USP42: variants seen among roughly 807,000 people sequenced by gnomAD.
USP42 encodes ubiquitin carboxyl-terminal hydrolase 42.
In USP42, 23 loss-of-function variants were observed where a neutral mutation model predicts 113.0. That is an observed-to-expected ratio of 0.20 (90% CI 0.15 to 0.29). USP42 has a LOEUF of 0.29. Among genes scored for constraint, USP42 ranks in the 10% least tolerant of loss-of-function variants. USP42 has a pLI of 1.00. For synonymous variants in USP42, 933 were observed against 699.0 expected (o/e 1.33, Z -5.28); for missense variants, 2,174 against 1,779.8 (o/e 1.22, Z -3.99).
chr7:6,103,516 CAAAAAA>C (rs200050634), upstream of USP42, among the ~76,000 whole-genome samples: 2 of 135,874 alleles, frequency 1.5e-5, no homozygotes, highest in Non-Finnish European at 3.2e-5. Context: ...AACTCCGTCT[CAAAAAA>C]AAAAAAGAAA....
In USP42 at chr7:6,160,602, A is replaced by C. The variant is rs916098263; in HGVS notation, c.*84A>C. ...CATCCCCAGCCCAGCTTAAATTATA[A>C]AGATAGACAATAACTCTGTTCCAAT... is the stretch of plus-strand genomic sequence containing the variant. On this transcript the variant is annotated 3_prime_UTR_variant, in exon 18 of 18. Transcript: ENST00000306177. The C allele has an allele frequency of 1.3e-5, 2 of 152,640 alleles. No individual in the cohort carries two copies. Among genetic ancestry groups the C allele is most frequent in the Non-Finnish European group, 2.9e-5 (2 of 68,034 alleles). 9.5% of individuals were successfully genotyped at this position (152,640 alleles called of 1,614,324 possible).
At chr7:6,149,450 T>C in intron 12 of USP42, 133 bp from the exon 13 acceptor site, 1 of 1,115,496 alleles carries the variant, frequency 9.0e-7, no homozygotes, top group Non-Finnish European at 1.2e-6. Context: ...AGAGAACATT[T>C]CCAGGTGTAT....
intron 7 of USP42, among the ~76,000 whole-genome samples, chr7:6,141,601 C>T (rs924263623): frequency 6.6e-6 from 1 of 151,900 alleles, no homozygotes; most frequent in Non-Finnish European, 1.5e-5. Flanking sequence ...CTCCATTGCC[C>T]AGGCTGGAGT....
At position 6,139,540 on chromosome 7, in the gene USP42, C is replaced by T. The variant is rs1483843966; in HGVS notation, c.656+346C>T. On this transcript the variant is annotated intron_variant, in intron 5 of 17. Transcript: ENST00000306177. This position sits in a 1 kb window ranked among gnomAD's most constrained non-coding sequence, Gnocchi z 4.5. Reference sequence around the variant, plus strand: ...GCCTGACATTTTCTTTTCTCTGCTGCCCTCCAGCCTGTGTTTATTTCCTGA... The same window carrying T: ...GCCTGACATTTTCTTTTCTCTGCTGTCCTCCAGCCTGTGTTTATTTCCTGA... The T allele has an allele frequency of 1.4e-5, 3 of 210,360 alleles. No individual in the cohort carries two copies. The highest frequency in any genetic ancestry group is 1.9e-5 in the Non-Finnish European group (2 of 106,256). 13.0% of individuals were successfully genotyped at this position (210,360 alleles called of 1,614,324 possible).
At chr7:6,145,427 C>T in intron 9 of USP42, 89 bp from the exon 10 acceptor site, 1 of 1,526,562 alleles carries the variant, frequency 6.6e-7, no homozygotes, top group Middle Eastern at 1.8e-4. Context: ...TGGGTCTCCC[C>T]TCCTAGGAAG....
chr7:6,087,340 CTTTTTTTTTTT>C, the USP42 span, among the ~76,000 whole-genome samples: 3,944 of 116,506 alleles, frequency 0.034, 402 homozygotes, highest in African/African-American at 0.12. Flanking sequence ...CTAAGCGCTT[CTTTTTTTTTTT>C]TTTTTTTTTT....
chr7:6,106,541 C>G (rs550714999), intron 1 of USP42, among the ~76,000 whole-genome samples: 3 of 152,276 alleles, frequency 2.0e-5, no homozygotes, highest in Admixed American at 1.3e-4. Context: ...TCTCATTCCT[C>G]CACACAGATC....
intron 3 of USP42, among the ~76,000 whole-genome samples, chr7:6,122,945 T>A (rs1780317549): frequency 6.6e-6 from 1 of 151,982 alleles, no homozygotes; most frequent in Non-Finnish European, 1.5e-5. Context: ...TACCTCAGCC[T>A]CCTGAGCAGC....
chr7:6,102,677 G>A (rs1790163891), upstream of USP42, among the ~76,000 whole-genome samples: 1 of 150,866 alleles, frequency 6.6e-6, no homozygotes, highest in Admixed American at 6.6e-5. Context: ...GCATGGGTGG[G>A]CTTTCTACAA....
intron 3 of USP42, among the ~76,000 whole-genome samples, chr7:6,118,055 A>G (rs1051614514): frequency 1.1e-4 from 17 of 151,838 alleles, no homozygotes; most frequent in African/African-American, 4.1e-4. Flanking sequence ...GTTTTGGGAA[A>G]TTTCATTTCT....
At chr7:6,156,332 AGT>A (rs1782443590) in intron 15 of USP42, among the ~76,000 whole-genome samples, 1 of 152,224 alleles carries the variant, frequency 6.6e-6, no homozygotes, top group Non-Finnish European at 1.5e-5. Context: ...TCCTCCCTGC[AGT>A]GTTTGTCCAA....
chr7:6,157,089 A>T lies in USP42; in HGVS notation c.3943+34A>T. The T allele has an allele frequency of 6.5e-7, 1 of 1,530,808 alleles. No individual in the cohort carries two copies. The highest frequency in any genetic ancestry group is 1.3e-5 in the South Asian group (1 of 78,016). 94.8% of individuals were successfully genotyped at this position (1,530,808 alleles called of 1,614,324 possible). The stretch of plus-strand genomic sequence containing the variant: ...AGATACTTGGAATTAGGAAGATAGA[A>T]ACTATTTCTTAATACATTTTCTTTG... On this transcript the variant is annotated intron_variant, in intron 16 of 17. Coordinates refer to ENST00000306177, the MANE Select transcript of USP42 (RefSeq NM_032172.3). The surrounding 1 kb of genome is among the most constrained non-coding windows in gnomAD (Gnocchi z 4.1).
intron 6 of USP42, 116 bp downstream of exon 6, chr7:6,140,311 G>C: frequency 1.1e-6 from 1 of 945,404 alleles, no homozygotes. Context: ...CTCCAGCCCA[G>C]ATTCTCATTC....
rs75745239 is a variant in USP42 at position 6,146,337 on chromosome 7, TAAAA to T, written c.1232+101_1232+104del. 5.6e-5 allele frequency: 35 copies of T among 625,812 alleles called. No individual in the cohort carries two copies. In the East Asian group the frequency reaches 6.5e-4, roughly 12 times the overall value. 38.8% of individuals were successfully genotyped at this position (625,812 alleles called of 1,614,324 possible). The stretch of plus-strand genomic sequence containing the variant: ...TGTTTGAATTCAATATTCAGTGTTT[TAAAA>T]AAAAAAAAAAACCCAGCAGCTTAAA... On this transcript the variant is annotated intron_variant, in intron 11 of 17. Transcript: ENST00000306177.
rs369599830 is a variant in USP42 at position 6,145,551 on chromosome 7, A to G, written c.1026A>G (p.Pro342=). 7 of 1,613,990 alleles carry G rather than the reference A, an allele frequency of 4.3e-6. No homozygotes were observed. The highest frequency in any genetic ancestry group is 5.1e-6 in the Non-Finnish European group (6 of 1,179,890). The change falls in exon 10 of 18, where the codon CCA becomes CCG. Residue 342 remains proline, a synonymous_variant. Coordinates refer to ENST00000306177, the MANE Select transcript of USP42 (RefSeq NM_032172.3). ...VKYPEYLDIR[P]YMSQPNGEPI... ...ACCCTGAGTATCTTGATATTCGGCC[A>G]TATATGTCTCAACCCAACGGAGAGC...
the USP42 span, among the ~76,000 whole-genome samples, chr7:6,092,023 C>CTT: frequency 3.7e-5 from 4 of 108,384 alleles, no homozygotes; most frequent in African/African-American, 1.5e-4. Flanking sequence ...TCTTCTTCTT[C>CTT]TTCTTCTTCT....
At chr7:6,132,771 A>G (rs1238159870) in intron 3 of USP42, among the ~76,000 whole-genome samples, 1 of 152,014 alleles carries the variant, frequency 6.6e-6, no homozygotes, top group Non-Finnish European at 1.5e-5. Flanking sequence ...TCCCGGGTTC[A>G]CGCCATTCTC....
intron 4 of USP42, among the ~76,000 whole-genome samples, chr7:6,136,992 A>G (rs895732711): frequency 1.3e-5 from 2 of 152,106 alleles, no homozygotes; most frequent in East Asian, 3.8e-4. Context: ...TGGTGGATAA[A>G]TTTTACTTTT....
chr7:6,089,894 G>A, the USP42 span, among the ~76,000 whole-genome samples: 1 of 151,086 alleles, frequency 6.6e-6, no homozygotes, highest in Non-Finnish European at 1.5e-5. Flanking sequence ...TGCTGTGGCT[G>A]GGCGCAGGAG....
Sources: allele counts gnomAD v4.1 joint callset (sites outside exome capture counted in the v4.1 genomes callset), GRCh38; gene constraint gnomAD v4.1.1; non-coding constraint Gnocchi (gnomAD v3.1); transcripts MANE v1.5; gene names NCBI Gene and HGNC (gene_info 2026-07-23, HGNC 2026-07-21).